AMOTL1: variants seen among roughly 807,000 people sequenced by gnomAD.
The protein encoded by AMOTL1 is angiomotin like 1.
In AMOTL1, 45 loss-of-function variants were observed where a neutral mutation model predicts 102.9. The observed-to-expected ratio is 0.44, with a 90% confidence interval of 0.34 to 0.56. The LOEUF is 0.56. AMOTL1 is among the 20% of genes least tolerant of loss of function. The probability of loss-of-function intolerance (pLI) is 0.01; values close to 1 mark genes in which losing one functional copy is unlikely to be tolerated. For missense variants in AMOTL1, 1,114 were observed against 1,225.6 expected (o/e 0.91, Z 1.36); for synonymous variants, 481 against 484.7 (o/e 0.99, Z 0.10).
intron 3 of AMOTL1, among the ~76,000 whole-genome samples, chr11:94,745,445 A>G (rs900540248): frequency 6.6e-6 from 1 of 152,024 alleles, no homozygotes; most frequent in African/African-American, 2.4e-5. Context: ...TATTATGAAT[A>G]AAAAAAAGAT....
chr11:94,782,056 A>T (rs1332998211), intron 1 of AMOTL1, among the ~76,000 whole-genome samples: 1 of 152,182 alleles, frequency 6.6e-6, no homozygotes, highest in African/African-American at 2.4e-5. Context: ...GTGTGATGAA[A>T]TGGGAAGATA....
At chr11:94,796,376 G>A (rs1951365302) in intron 2 of AMOTL1, among the ~76,000 whole-genome samples, 1 of 152,134 alleles carries the variant, frequency 6.6e-6, no homozygotes, top group Non-Finnish European at 1.5e-5. Flanking sequence ...TGTCCTGAAC[G>A]CCTTCTGTGT....
intron 1 of AMOTL1, among the ~76,000 whole-genome samples, chr11:94,722,533 GA>G (rs1220799293): frequency 6.6e-6 from 1 of 152,120 alleles, no homozygotes; most frequent in Non-Finnish European, 1.5e-5. Flanking sequence ...ATTACAGATA[GA>G]AAAAATTAGG....
intron 8 of AMOTL1, among the ~76,000 whole-genome samples, chr11:94,856,257 A>T (rs1180487465): frequency 6.6e-6 from 1 of 151,272 alleles, no homozygotes; most frequent in East Asian, 1.9e-4. Context: ...CAATCTTATT[A>T]TTTTTTTTTC....
chr11:94,850,297 C>A, intron 7 of AMOTL1, 38 bp downstream of exon 7: 3 of 1,565,634 alleles, frequency 1.9e-6, no homozygotes, highest in Non-Finnish European at 1.7e-6. Context: ...GGGAAGAGGG[C>A]AAGCAGAGCC....
At chr11:94,797,938 T>C (rs73516115) in intron 2 of AMOTL1, among the ~76,000 whole-genome samples, 2,829 of 152,218 alleles carry the variant, frequency 0.019, 85 homozygotes, top group African/African-American at 0.065. Flanking sequence ...CATGATTAGA[T>C]TTCTCTATTG....
intron 2 of AMOTL1, among the ~76,000 whole-genome samples, chr11:94,795,379 G>A (rs1271629208): frequency 6.6e-6 from 1 of 152,128 alleles, no homozygotes; most frequent in African/African-American, 2.4e-5. Context: ...CTGTCTGAGA[G>A]CATCATACCT....
chr11:94,749,140 G>A (rs1420884098), intron 3 of AMOTL1, among the ~76,000 whole-genome samples: 4 of 152,214 alleles, frequency 2.6e-5, no homozygotes, highest in Admixed American at 1.3e-4. Context: ...GGAAGCCATG[G>A]TGAGCCTCAG....
In AMOTL1 at chr11:94,804,192, A is replaced by G. The variant is rs1951529021; in HGVS notation, c.1121+3881A>G. Reference sequence around the variant, plus strand: ...ATTTAAAAGCTTCTGATGCCAGAAAACCTTGTAAAAATATTACGGTGCCTG... The same window carrying G: ...ATTTAAAAGCTTCTGATGCCAGAAAGCCTTGTAAAAATATTACGGTGCCTG... On this transcript the variant is annotated intron_variant, in intron 3 of 12. Transcript: ENST00000433060. Among the ~76,000 whole-genome samples, 3 of 152,178 alleles carry G rather than the reference A, an allele frequency of 2.0e-5. No homozygotes were observed. In the South Asian group the frequency reaches 6.2e-4, roughly 32 times the overall value.
intron 3 of AMOTL1, among the ~76,000 whole-genome samples, chr11:94,757,343 C>A (rs895440832): frequency 1.3e-5 from 2 of 152,080 alleles, no homozygotes. Context: ...TTGTAACCAC[C>A]GCTTATGAAA....
At chr11:94,737,611 C>G (rs1935325672) in intron 2 of AMOTL1, among the ~76,000 whole-genome samples, 1 of 152,228 alleles carries the variant, frequency 6.6e-6, no homozygotes, top group Non-Finnish European at 1.5e-5. Flanking sequence ...GAACCCAGGT[C>G]TGGCTGATCC....
At chr11:94,739,613 T>G (rs572587321) in intron 2 of AMOTL1, among the ~76,000 whole-genome samples, 123 of 152,000 alleles carry the variant, frequency 8.1e-4, no homozygotes, top group Non-Finnish European at 1.5e-3. Flanking sequence ...TTTGAGACAA[T>G]AGAAGGCCCC....
At chr11:94,718,887 A>T (rs1950134235) in intron 1 of AMOTL1, among the ~76,000 whole-genome samples, 1 of 151,170 alleles carries the variant, frequency 6.6e-6, no homozygotes, top group Non-Finnish European at 1.5e-5. Context: ...TTTAAATTTG[A>T]TGTAGCCTAA....
Position 94,799,121 on chromosome 11 carries a change from G to A in AMOTL1, c.200-269G>A, listed in dbSNP as rs531942924. Among the ~76,000 whole-genome samples, 5 of 152,150 alleles carry A rather than the reference G, an allele frequency of 3.3e-5. No homozygotes were observed. The East Asian group carries it at 5.8e-4, about 18-fold the overall frequency. On this transcript the variant is annotated intron_variant, in intron 2 of 12. Transcript: ENST00000433060. The surrounding 1 kb of genome is among the most constrained non-coding windows in gnomAD (Gnocchi z 4.5). ...ATTTATGTGATGAAGAGAAAGGACCGGTGGGGAGATTAGAGAAAAGGGAGG... is the reference window on the plus strand; with the variant it reads ...ATTTATGTGATGAAGAGAAAGGACCAGTGGGGAGATTAGAGAAAAGGGAGG...
intron 3 of AMOTL1, among the ~76,000 whole-genome samples, chr11:94,755,926 T>C (rs1030148266): frequency 1.4e-5 from 2 of 148,010 alleles, no homozygotes; most frequent in African/African-American, 5.0e-5. Context: ...TCTTGCCCTA[T>C]TGTACCAGAA....
intron 2 of AMOTL1, among the ~76,000 whole-genome samples, chr11:94,798,664 G>A (rs555411885): frequency 2.0e-5 from 3 of 152,094 alleles, no homozygotes; most frequent in Non-Finnish European, 4.4e-5. Flanking sequence ...GAGCACTCAG[G>A]ACAGAGCTGT....
chr11:94,824,021 A>G (rs1951918133), intron 4 of AMOTL1, among the ~76,000 whole-genome samples: 1 of 152,196 alleles, frequency 6.6e-6, no homozygotes. Flanking sequence ...GACCTATAAC[A>G]TACATCTCTT....
intron 4 of AMOTL1, among the ~76,000 whole-genome samples, chr11:94,823,454 A>C (rs1387160278): frequency 1.3e-5 from 2 of 152,152 alleles, no homozygotes; most frequent in Non-Finnish European, 2.9e-5. Context: ...CACAGGCCCA[A>C]GCTTGCCTCT....
chr11:94,814,898 A>G (rs1406812924), intron 3 of AMOTL1, among the ~76,000 whole-genome samples: 5 of 152,194 alleles, frequency 3.3e-5, no homozygotes, highest in African/African-American at 4.8e-5. Flanking sequence ...CACCATGATT[A>G]TAATTATTAT....
Sources: gnomAD v4.1 joint callset for allele counts (sites outside exome capture counted in the v4.1 genomes callset) on GRCh38, gnomAD v4.1.1 for gene constraint, Gnocchi (gnomAD v3.1) non-coding constraint, MANE v1.5 for transcripts, NCBI Gene and HGNC (gene_info 2026-07-23, HGNC 2026-07-21) for gene names.